The following SMAP2 variants were observed in gnomAD, a reference collection of about 807,000 sequenced individuals.
SMAP2 encodes the protein stromal membrane-associated protein 2.
In SMAP2, 25 loss-of-function variants were observed where a neutral mutation model predicts 56.4. The ratio of observed to expected loss-of-function variants is 0.44; its 90% CI spans 0.32 to 0.62. The LOEUF (loss-of-function observed/expected upper bound fraction) is 0.62. SMAP2 is among the 20% of genes least tolerant of loss of function. The pLI is 0.04. For missense variants in SMAP2, 388 were observed against 545.6 expected (o/e 0.71, Z 2.88); for synonymous variants, 157 against 181.7 (o/e 0.86, Z 1.09).
rs1553189321 is a variant in SMAP2 at position 40,374,599 on chromosome 1, G to GTT, written c.103+377_103+378insTT. 7.3e-5 allele frequency: 59 copies of GTT among 806,338 alleles called. No individual in the cohort carries two copies. The African/African-American group carries it at 1.2e-3, about 17-fold the overall frequency. 49.9% of individuals were successfully genotyped at this position (806,338 alleles called of 1,614,324 possible). ...GCATTGCGTGCGTGCGTGCGTGCGT[G>GTT]TGTGTGTGTGTGTGTGTGTGTGTGT... On this transcript the variant is annotated intron_variant, in intron 1 of 9. Transcript: ENST00000372718. This position sits in a 1 kb window ranked among gnomAD's most constrained non-coding sequence, Gnocchi z 5.9.
At chr1:40,412,976 C>T (rs1259094609) in intron 4 of SMAP2, 40 bp from the exon 5 acceptor site, 6 of 1,456,976 alleles carry the variant, frequency 4.1e-6, no homozygotes, top group Non-Finnish European at 5.7e-6. Context: ...CTATTAGTCA[C>T]CTTGGGCCCT....
At chr1:40,415,783 TTAA>T (rs1644981143) in intron 7 of SMAP2, among the ~76,000 whole-genome samples, 1 of 152,208 alleles carries the variant, frequency 6.6e-6, no homozygotes. Flanking sequence ...GTATATTTCA[TTAA>T]TAATTTCACT....
chr1:40,362,129 G>A (rs1324364008), intron 1 of SMAP2, among the ~76,000 whole-genome samples: 1 of 152,176 alleles, frequency 6.6e-6, no homozygotes, highest in Admixed American at 6.5e-5. Flanking sequence ...GTAGGAGAGG[G>A]CCACCATCAC....
intron 1 of SMAP2, among the ~76,000 whole-genome samples, chr1:40,388,722 T>C (rs1250203937): frequency 6.6e-6 from 1 of 152,196 alleles, no homozygotes; most frequent in Non-Finnish European, 1.5e-5. Flanking sequence ...AAAAGCAGGC[T>C]GCCCGAGCCA....
In SMAP2 at chr1:40,408,209, C is replaced by G. The variant is rs183082661; in HGVS notation, c.238-444C>G. 6.6e-6 allele frequency among the ~76,000 whole-genome samples: 1 copy of G among 152,290 alleles called. No individual in the cohort carries two copies. Among genetic ancestry groups the G allele is most frequent in the East Asian group, 1.9e-4 (1 of 5,188 alleles). On this transcript the variant is annotated intron_variant, in intron 2 of 9. Coordinates refer to ENST00000372718, the MANE Select transcript of SMAP2 (RefSeq NM_022733.3). The surrounding 1 kb of genome is among the most constrained non-coding windows in gnomAD (Gnocchi z 4.3). ...CGGGAATTTGGAGATTTAAAAAGCTCTTGGGATTTATCCCTCACAAGTGTT... is the reference window on the plus strand; with the variant it reads ...CGGGAATTTGGAGATTTAAAAAGCTGTTGGGATTTATCCCTCACAAGTGTT...
intron 1 of SMAP2, among the ~76,000 whole-genome samples, chr1:40,402,721 C>G (rs1382481346): frequency 6.6e-6 from 1 of 152,168 alleles, no homozygotes; most frequent in Non-Finnish European, 1.5e-5. Context: ...CATCCGCCTA[C>G]CCTTCCTGGC....
chr1:40,392,159 TA>T lies in SMAP2; in HGVS notation c.104-14573del, dbSNP rs1245681271. Among the ~76,000 whole-genome samples the T allele has an allele frequency of 5.9e-5, 9 of 152,326 alleles. No individual in the cohort carries two copies. In the East Asian group the frequency reaches 1.7e-3, roughly 29 times the overall value. On this transcript the variant is annotated intron_variant, in intron 1 of 9. Coordinates refer to ENST00000372718, the MANE Select transcript of SMAP2 (RefSeq NM_022733.3). ...ATCTTTGGACTTGCTACATTTGCTATAAAATATCAGTTTAGGTTTAATAACT... is the reference window on the plus strand; with the variant it reads ...ATCTTTGGACTTGCTACATTTGCTATAAATATCAGTTTAGGTTTAATAACT...
At chr1:40,383,168 CT>C (rs1030971240) in intron 1 of SMAP2, among the ~76,000 whole-genome samples, 1 of 152,126 alleles carries the variant, frequency 6.6e-6, no homozygotes, top group Non-Finnish European at 1.5e-5. Flanking sequence ...TGCCTGGGAA[CT>C]ACTATGCCTG....
intron 1 of SMAP2, among the ~76,000 whole-genome samples, chr1:40,388,049 G>T (rs1444146322): frequency 6.6e-6 from 1 of 152,190 alleles, no homozygotes; most frequent in Non-Finnish European, 1.5e-5. Context: ...GCCCACCGGC[G>T]CTGCGCTGGA....
At chr1:40,365,548 G>A (rs1034445091) in intron 2 of SMAP2, among the ~76,000 whole-genome samples, 11 of 152,112 alleles carry the variant, frequency 7.2e-5, no homozygotes, top group East Asian at 1.9e-4. Context: ...CAAGATGGCC[G>A]AATAGGAACA....
rs58284805 is a variant in SMAP2 at position 40,347,240 on chromosome 1, G to GTGT, written c.-83+2331_-83+2332insGTT. ...TGTGTGTGTGTGTTTGTGTGTGTGTGTTTTGTTTTTGTTTTTTTTTTTTTT... is the reference window on the plus strand; with the variant it reads ...TGTGTGTGTGTGTTTGTGTGTGTGTGTGTTTTTGTTTTTGTTTTTTTTTTTTTT... On this transcript the variant is annotated intron_variant, in intron 1 of 6. Coordinates refer to the SMAP2 transcript ENST00000435168. 2.6e-3 allele frequency among the ~76,000 whole-genome samples: 228 copies of GTGT among 88,382 alleles called. 10 individuals are homozygous for GTGT. The highest frequency in any genetic ancestry group is 8.5e-3 in the African/African-American group (212 of 24,874). 58.0% of individuals were successfully genotyped at this position (88,382 alleles called of 152,430 possible).
intron 1 of SMAP2, among the ~76,000 whole-genome samples, chr1:40,401,123 C>T (rs1017364161): frequency 1.3e-5 from 2 of 152,024 alleles, no homozygotes; most frequent in African/African-American, 2.4e-5. Flanking sequence ...ATTAGCCGGG[C>T]GTGATCGCGG....
chr1:40,358,213 CT>C (rs2124171195), intron 1 of SMAP2, among the ~76,000 whole-genome samples: 2 of 152,066 alleles, frequency 1.3e-5, no homozygotes, highest in South Asian at 4.2e-4. Context: ...TTCTTGATTT[CT>C]TTTTCAGATT....
At chr1:40,367,655 C>T (rs75020778) in intron 2 of SMAP2, among the ~76,000 whole-genome samples, 17,380 of 65,280 alleles carry the variant, frequency 0.27, 2,565 homozygotes, top group African/African-American at 0.42. Flanking sequence ...TTGAAACCAA[C>T]GAGAACAAAG....
chr1:40,403,334 C>T (rs940514468), intron 1 of SMAP2, among the ~76,000 whole-genome samples: 5 of 152,244 alleles, frequency 3.3e-5, no homozygotes, highest in African/African-American at 7.2e-5. Context: ...GGCGAAACCC[C>T]GTCTCTACTA....
At chr1:40,360,004 CTTTTTTT>C (rs775408458) in intron 1 of SMAP2, among the ~76,000 whole-genome samples, 1 of 102,484 alleles carries the variant, frequency 9.8e-6, no homozygotes, top group African/African-American at 3.9e-5. Context: ...CTTCTTCTTT[CTTTTTTT>C]TTTTTTTTTT....
intron 1 of SMAP2, among the ~76,000 whole-genome samples, chr1:40,391,199 A>G (rs1644712352): frequency 1.3e-5 from 2 of 152,224 alleles, no homozygotes; most frequent in African/African-American, 4.8e-5. Context: ...GTCTAGAGGA[A>G]CAAAGATGGG....
chr1:40,350,180 C>G (rs371054637), intron 1 of SMAP2, among the ~76,000 whole-genome samples: 1 of 152,220 alleles, frequency 6.6e-6, no homozygotes, highest in East Asian at 1.9e-4. Context: ...AGCATCAGTG[C>G]CAGAGACTAG....
At chr1:40,350,848 A>T (rs1644406742) in intron 1 of SMAP2, among the ~76,000 whole-genome samples, 1 of 152,244 alleles carries the variant, frequency 6.6e-6, no homozygotes, top group South Asian at 2.1e-4. Flanking sequence ...TAAGCATTTT[A>T]AAATTATGTT....
Sources: gnomAD v4.1 joint callset for allele counts (sites outside exome capture counted in the v4.1 genomes callset) on GRCh38, gnomAD v4.1.1 for gene constraint, Gnocchi (gnomAD v3.1) non-coding constraint, MANE v1.5 for transcripts, NCBI Gene and HGNC (gene_info 2026-07-23, HGNC 2026-07-21) for gene names.